ZNF804A: variants seen among roughly 807,000 people sequenced by gnomAD.
ZNF804A encodes the protein zinc finger protein 804A.
In ZNF804A, 2 loss-of-function variants were observed where a neutral mutation model predicts 16.5. That is an observed-to-expected ratio of 0.12 (90% CI 0.05 to 0.38). ZNF804A has a LOEUF of 0.38. Ranked by LOEUF, ZNF804A falls within the 10% of genes least tolerant of loss-of-function variation. ZNF804A has a pLI of 0.99. For synonymous variants in ZNF804A, 534 were observed against 489.6 expected (o/e 1.09, Z -1.20); for missense variants, 1,473 against 1,390.7 (o/e 1.06, Z -0.94).
rs1685809487 is a variant in ZNF804A, at chr2:184,937,389, A to G, written c.1993A>G (p.Ile665Val). The change falls in exon 4 of 4, where the codon ATA (isoleucine) becomes GTA (valine). Residue 665 changes from isoleucine (I) to valine (V), a missense_variant. Transcript: ENST00000302277. ...TGATAAAAGGCCCAAATCAGAATCC[A>G]TATCCTTAAGTGACAATGAAGAAAT... ...LLDKRPKSES[I>V]SLSDNEEMCK... is the part of the protein sequence containing the mutation. The G allele has an allele frequency of 6.2e-7, 1 of 1,613,612 alleles. No homozygotes were observed. The highest frequency in any genetic ancestry group is 8.5e-7 in the Non-Finnish European group (1 of 1,179,800).
At chr2:184,757,189 C>T (rs571137609) in intron 1 of ZNF804A, among the ~76,000 whole-genome samples, 50 of 152,104 alleles carry the variant, frequency 3.3e-4, no homozygotes, top group African/African-American at 8.4e-4. Context: ...TTCCTACTCT[C>T]ATAATTCAGT....
intron 1 of ZNF804A, among the ~76,000 whole-genome samples, chr2:184,723,001 G>A (rs1224250781): frequency 6.6e-6 from 1 of 151,896 alleles, no homozygotes; most frequent in African/African-American, 2.4e-5. Flanking sequence ...ATATTACTGT[G>A]AAGACACCAT....
At chr2:184,748,192 T>G (rs1693822727) in intron 1 of ZNF804A, among the ~76,000 whole-genome samples, 1 of 151,314 alleles carries the variant, frequency 6.6e-6, no homozygotes, top group South Asian at 2.1e-4. Context: ...GTATGTGAGA[T>G]ATCTCCAAAT....
At chr2:184,914,900 G>T (rs907253076) in intron 2 of ZNF804A, among the ~76,000 whole-genome samples, 8 of 151,550 alleles carry the variant, frequency 5.3e-5, no homozygotes. Flanking sequence ...TAATTCACTA[G>T]ATTGATATTA....
chr2:184,758,072 G>A (rs1574197980), intron 1 of ZNF804A, among the ~76,000 whole-genome samples: 1 of 151,930 alleles, frequency 6.6e-6, no homozygotes, highest in Non-Finnish European at 1.5e-5. Flanking sequence ...TCATAATGGA[G>A]AATTTTAAAA....
At chr2:184,758,376 TCACTA>T (rs57321834) in intron 1 of ZNF804A, among the ~76,000 whole-genome samples, 50,209 of 151,394 alleles carry the variant, frequency 0.33, 11,522 homozygotes, top group African/African-American at 0.66. Flanking sequence ...TATTTACAAG[TCACTA>T]CACTACTTTA....
intron 1 of ZNF804A, among the ~76,000 whole-genome samples, chr2:184,711,666 G>C (rs1693128185): frequency 6.6e-6 from 1 of 151,588 alleles, no homozygotes; most frequent in African/African-American, 2.4e-5. Flanking sequence ...TATGGTGTAA[G>C]AGAAGCATCC....
chr2:184,599,069 T>C lies in ZNF804A; in HGVS notation c.110T>C (p.Leu37Pro). The C allele has an allele frequency of 1.2e-6, 2 of 1,603,340 alleles. No homozygotes were observed. Among genetic ancestry groups the C allele is most frequent in the South Asian group, 1.1e-5 (1 of 90,820 alleles). ...GPLSKNGNKT[L>P]DYAEKENTIA... Reference sequence around the variant, plus strand: ...CTCAGCAAGAACGGGAACAAAACTCTGGTAATCGCTTCTGTTTTCCTCTCT... The same window carrying C: ...CTCAGCAAGAACGGGAACAAAACTCCGGTAATCGCTTCTGTTTTCCTCTCT... Residue 37 changes from leucine to proline, a missense_variant and splice_region_variant, in exon 1 of 4, where the codon CTG (leucine) becomes CCG (proline). By Grantham distance (98) the Leu-to-Pro change is moderately conservative. Coordinates refer to ENST00000302277, the MANE Select transcript of ZNF804A (RefSeq NM_194250.2).
chr2:184,903,902 A>C (rs1039327387), intron 2 of ZNF804A, among the ~76,000 whole-genome samples: 6 of 152,094 alleles, frequency 3.9e-5, no homozygotes, highest in African/African-American at 1.4e-4. Context: ...AATATGATAC[A>C]TTCAAATATG....
At chr2:184,660,963 G>T (rs1692167387) in intron 1 of ZNF804A, among the ~76,000 whole-genome samples, 1 of 152,164 alleles carries the variant, frequency 6.6e-6, no homozygotes, top group Non-Finnish European at 1.5e-5. Flanking sequence ...GAAGTAGTTT[G>T]AACAGTGTCT....
chr2:184,801,734 A>C (rs1694730675), intron 1 of ZNF804A, among the ~76,000 whole-genome samples: 2 of 152,334 alleles, frequency 1.3e-5, no homozygotes, highest in Non-Finnish European at 1.5e-5. Context: ...CGTAACAGCT[A>C]TTTTAAATTC....
intron 1 of ZNF804A, among the ~76,000 whole-genome samples, chr2:184,733,023 TTCTTG>T (rs1693544768): frequency 6.6e-6 from 1 of 152,134 alleles, no homozygotes. Context: ...ATCTTTTCTT[TTCTTG>T]TCTTGTCTTA....
chr2:184,910,803 C>T (rs1193220278), intron 2 of ZNF804A, among the ~76,000 whole-genome samples: 1 of 151,968 alleles, frequency 6.6e-6, no homozygotes, highest in Non-Finnish European at 1.5e-5. Context: ...GTGTCTTTTG[C>T]ACACTTTTTA....
At chr2:184,769,606 A>G (rs1024157875) in intron 1 of ZNF804A, among the ~76,000 whole-genome samples, 4 of 152,086 alleles carry the variant, frequency 2.6e-5, no homozygotes, top group Admixed American at 6.6e-5. Context: ...CAAAGATGGC[A>G]TCTGTATATA....
At chr2:184,619,740 G>C (rs1055467878) in intron 1 of ZNF804A, among the ~76,000 whole-genome samples, 12 of 151,750 alleles carry the variant, frequency 7.9e-5, no homozygotes, top group Admixed American at 3.3e-4. Flanking sequence ...CTTAGGTTGT[G>C]ATCTCATCAC....
At chr2:184,733,167 G>A (rs1693547711) in intron 1 of ZNF804A, among the ~76,000 whole-genome samples, 2 of 152,056 alleles carry the variant, frequency 1.3e-5, no homozygotes, top group African/African-American at 2.4e-5. Flanking sequence ...TAGATTTATT[G>A]TGGATATTCT....
At chr2:184,885,161 G>A (rs1415735444) in intron 2 of ZNF804A, among the ~76,000 whole-genome samples, 1 of 151,620 alleles carries the variant, frequency 6.6e-6, no homozygotes, top group African/African-American at 2.4e-5. Flanking sequence ...TTTCACATTA[G>A]TCAGAAAGGC....
In ZNF804A at chr2:184,938,342, A is replaced by T; in HGVS notation, c.2946A>T (p.Gly982=). 6.2e-7 allele frequency: 1 copy of T among 1,614,166 alleles called. No individual in the cohort carries two copies. The highest frequency in any genetic ancestry group is 8.5e-7 in the Non-Finnish European group (1 of 1,180,030). Residue 982 remains glycine, a synonymous_variant, in exon 4 of 4, where the codon GGA becomes GGT. Coordinates refer to ENST00000302277, the MANE Select transcript of ZNF804A (RefSeq NM_194250.2). ...AACTGGCTGAGGCCCTTCCACAAGGAAAGATGAATGAGACACCAACTGAGT... is the reference window on the plus strand; with the variant it reads ...AACTGGCTGAGGCCCTTCCACAAGGTAAGATGAATGAGACACCAACTGAGT... The part of the protein sequence containing the change: ...HYELAEALPQ[G]KMNETPTEWL...
Position 184,938,746 on chromosome 2 carries a change from C to T in ZNF804A, c.3350C>T (p.Ala1117Val), listed in dbSNP as rs1191467338. 1 of 1,612,096 alleles carries T rather than the reference C, an allele frequency of 6.2e-7. No homozygotes were observed. Among genetic ancestry groups the T allele is most frequent in the Non-Finnish European group, 8.5e-7 (1 of 1,179,166 alleles). ...GCTGCTGCAGCTGCAGCTGCAGCCG[C>T]AGCTGCAGGAACCTTTAAAGTGCTT... The part of the protein sequence containing the change: ...AAAAAAAAAA[A>V]AAGTFKVLQP... The change falls in exon 4 of 4, where the codon GCA becomes GTA. Residue 1117 changes from alanine to valine, a missense_variant. By Grantham distance (64) the Ala-to-Val change is moderately conservative. Transcript: ENST00000302277.
Sources: allele counts gnomAD v4.1 joint callset (sites outside exome capture counted in the v4.1 genomes callset), GRCh38; gene constraint gnomAD v4.1.1; transcripts MANE v1.5; gene names NCBI Gene and HGNC (gene_info 2026-07-23, HGNC 2026-07-21).